The following SLC4A4 variants were observed in gnomAD, a reference collection of about 807,000 sequenced individuals.
SLC4A4 encodes the protein electrogenic sodium bicarbonate cotransporter 1.
A neutral mutation model predicts 111.5 loss-of-function variants in SLC4A4; 27 were observed. That is an observed-to-expected ratio of 0.24 (90% CI 0.18 to 0.33). SLC4A4 has a LOEUF of 0.33. Among genes scored for constraint, SLC4A4 ranks in the 10% least tolerant of loss-of-function variants. The pLI, the probability that SLC4A4 is intolerant of heterozygous loss-of-function variation, is 1.00. For missense variants in SLC4A4, 909 were observed against 1,315.5 expected, an observed-to-expected ratio of 0.69 and a Z score of 4.78; for synonymous variants, 443 against 463.4, an observed-to-expected ratio of 0.96 and a Z score of 0.57.
chr4:71,330,886 A>G (rs1727922893), intron 3 of SLC4A4, among the ~76,000 whole-genome samples: 2 of 152,092 alleles, frequency 1.3e-5, no homozygotes, highest in Admixed American at 1.3e-4. Flanking sequence ...ACAAATTTAC[A>G]AGAAAAAAAC....
rs1745667651 is a variant in SLC4A4, at chr4:71,190,298, C to A, written c.-2+2897C>A. 3.3e-5 allele frequency among the ~76,000 whole-genome samples: 5 copies of A among 151,684 alleles called. No homozygotes were observed. In the South Asian group the frequency reaches 1.0e-3, roughly 32 times the overall value. On this transcript the variant is annotated intron_variant, in intron 1 of 25. Coordinates refer to ENST00000264485, the MANE Select transcript of SLC4A4 (RefSeq NM_001098484.3). ...GCTGTTCTTCTGACATGAAGATGATCTTTTTATCCTCAGTAGTGCACAGCT... is the reference window on the plus strand; with the variant it reads ...GCTGTTCTTCTGACATGAAGATGATATTTTTATCCTCAGTAGTGCACAGCT...
intron 2 of SLC4A4, among the ~76,000 whole-genome samples, chr4:71,121,307 GC>G (rs1272228630): frequency 6.6e-6 from 1 of 152,110 alleles, no homozygotes; most frequent in Non-Finnish European, 1.5e-5. Context: ...CTCATCGACT[GC>G]CCAAGGGCTG....
At chr4:71,423,491 T>G (rs1220473057) in intron 7 of SLC4A4, among the ~76,000 whole-genome samples, 1 of 152,168 alleles carries the variant, frequency 6.6e-6, no homozygotes, top group African/African-American at 2.4e-5. Context: ...AAACTTGATC[T>G]TGAAAGTTCA....
chr4:71,458,736 T>C (rs181219608), intron 12 of SLC4A4, among the ~76,000 whole-genome samples: 6 of 152,210 alleles, frequency 3.9e-5, no homozygotes, highest in African/African-American at 1.4e-4. Flanking sequence ...CTTGATAAGA[T>C]AGACAAATCT....
chr4:71,447,548 A>C (rs556353356), intron 8 of SLC4A4, 98 bp from the exon 9 acceptor site: 1 of 788,100 alleles, frequency 1.3e-6, no homozygotes, highest in Non-Finnish European at 2.2e-6. Context: ...TTCTAGACCT[A>C]ACCTTTTTAT....
chr4:71,067,609 T>A (rs181447289), intron 1 of SLC4A4, among the ~76,000 whole-genome samples: 5 of 152,330 alleles, frequency 3.3e-5, no homozygotes. Flanking sequence ...ATGTTGAATC[T>A]ACGAGTCTGA....
At chr4:71,473,133 T>A in intron 14 of SLC4A4, 163 bp downstream of exon 14, 1 of 792,838 alleles carries the variant, frequency 1.3e-6, no homozygotes, top group Non-Finnish European at 2.2e-6. Flanking sequence ...TTGCCTGAGG[T>A]ATTTTAGCTG....
chr4:71,127,551 A>G (rs1211042716), intron 2 of SLC4A4, among the ~76,000 whole-genome samples: 5 of 152,236 alleles, frequency 3.3e-5, no homozygotes, highest in Admixed American at 6.5e-5. Context: ...AGTGTTATAT[A>G]AAGATTAACA....
intron 20 of SLC4A4, among the ~76,000 whole-genome samples, chr4:71,554,854 T>C (rs1395143465): frequency 6.6e-6 from 1 of 151,700 alleles, no homozygotes; most frequent in Non-Finnish European, 1.5e-5. Context: ...GAAACATAAC[T>C]TTTCCTCCAT....
At position 71,453,494 on chromosome 4, in the gene SLC4A4, G is replaced by T; in HGVS notation, c.1323-1G>T. 1 of 1,613,726 alleles carries T rather than the reference G, an allele frequency of 6.2e-7. No individual in the cohort carries two copies. On this transcript the variant is annotated splice_acceptor_variant, in intron 11 of 25. Coordinates refer to ENST00000264485, the MANE Select transcript of SLC4A4 (RefSeq NM_001098484.3). LOFTEE classifies it high-confidence loss of function. ...TGGATGTTTGCATTCTCTCTGCCCA[G>T]GTTCTGTGGTGGACTAATTAAAGAC...
intron 4 of SLC4A4, among the ~76,000 whole-genome samples, chr4:71,345,184 C>T (rs1023432140): frequency 1.3e-5 from 2 of 152,048 alleles, no homozygotes; most frequent in African/African-American, 4.8e-5. Flanking sequence ...GGTGAAGAAG[C>T]CTGTGCTTCC....
At chr4:71,096,036 C>T (rs1211704852) in intron 2 of SLC4A4, among the ~76,000 whole-genome samples, 1 of 152,066 alleles carries the variant, frequency 6.6e-6, no homozygotes, top group Non-Finnish European at 1.5e-5. Context: ...TTTTTGTCTC[C>T]TTTTCTCCCT....
chr4:71,447,331 G>C (rs1257079180), intron 8 of SLC4A4, among the ~76,000 whole-genome samples: 2 of 152,124 alleles, frequency 1.3e-5, no homozygotes, highest in African/African-American at 4.8e-5. Context: ...AATGGAGAGA[G>C]AAAAAAAGTT....
At chr4:71,151,348 G>A (rs531360618) in intron 2 of SLC4A4, among the ~76,000 whole-genome samples, 2 of 152,218 alleles carry the variant, frequency 1.3e-5, no homozygotes, top group Middle Eastern at 6.8e-3. Context: ...CTTCTTTAGA[G>A]TACTGGCCTG....
chr4:71,302,772 G>A (rs2148842817), intron 3 of SLC4A4, among the ~76,000 whole-genome samples: 1 of 152,276 alleles, frequency 6.6e-6, no homozygotes, highest in Admixed American at 6.5e-5. Flanking sequence ...TAACTCTTAG[G>A]TAACACTAAA....
At chr4:71,537,382 ATATG>A (rs1296396255) in intron 18 of SLC4A4, among the ~76,000 whole-genome samples, 4 of 36,784 alleles carry the variant, frequency 1.1e-4, no homozygotes, top group African/African-American at 3.0e-4. Flanking sequence ...GTATATATAC[ATATG>A]TGTGTGTATA....
chr4:71,213,038 T>G (rs756957600), intron 1 of SLC4A4, among the ~76,000 whole-genome samples: 6 of 152,336 alleles, frequency 3.9e-5, no homozygotes, highest in Middle Eastern at 3.4e-3. Context: ...GTTTGTAGAT[T>G]AGGAGCAATA....
chr4:71,456,260 T>C (rs1169906403), intron 12 of SLC4A4, among the ~76,000 whole-genome samples: 1 of 152,168 alleles, frequency 6.6e-6, no homozygotes, highest in Non-Finnish European at 1.5e-5. Context: ...TTAAGAAACA[T>C]ATTGGCAATA....
In SLC4A4 at chr4:71,149,070, T is replaced by A. The variant is rs1031938624; in HGVS notation, c.-2+56278T>A. 3.9e-5 allele frequency among the ~76,000 whole-genome samples: 6 copies of A among 152,292 alleles called. 1 individual carries two copies. The highest frequency in any genetic ancestry group is 1.4e-4 in the African/African-American group (6 of 41,572). The stretch of plus-strand genomic sequence containing the variant: ...TAACATCTATTATTTTTTGACTTTT[T>A]AATAATAGCTATTCAAAGAAATTAA... On this transcript the variant is annotated intron_variant, in intron 2 of 26. Transcript: ENST00000649996.
Sources: gnomAD v4.1 joint callset for allele counts (sites outside exome capture counted in the v4.1 genomes callset) on GRCh38, gnomAD v4.1.1 for gene constraint, MANE v1.5 for transcripts, NCBI Gene and HGNC (gene_info 2026-07-23, HGNC 2026-07-21) for gene names.